The following KATNIP variants were observed in gnomAD, a reference collection of about 807,000 sequenced individuals.
KATNIP encodes the protein katanin-interacting protein.
Under a neutral mutation model 174.0 loss-of-function variants are expected in KATNIP, and 126 were observed. That is an observed-to-expected ratio of 0.72 (90% CI 0.63 to 0.84). KATNIP has a LOEUF of 0.84. KATNIP is among the 40% of genes least tolerant of loss of function. The probability of loss-of-function intolerance (pLI) is 0.00; values close to 1 mark genes in which losing one functional copy is unlikely to be tolerated. For missense variants in KATNIP, 1,958 were observed against 2,109.7 expected (o/e 0.93, Z 1.41); for synonymous variants, 810 against 835.7 (o/e 0.97, Z 0.53).
In KATNIP at chr16:27,766,477, A is replaced by C; in HGVS notation, c.3975+3A>C. ...CTCCCGAGGACACCTATCGCGGGGTAAGCTGGGGAGCAGTGGCCGTGCTCA... is the reference window on the plus strand; with the variant it reads ...CTCCCGAGGACACCTATCGCGGGGTCAGCTGGGGAGCAGTGGCCGTGCTCA... On this transcript the variant is annotated splice_donor_region_variant and intron_variant, in intron 20 of 27. Transcript: ENST00000261588. The C allele has an allele frequency of 3.1e-6, 5 of 1,610,326 alleles. No individual in the cohort carries two copies. Among genetic ancestry groups the C allele is most frequent in the Non-Finnish European group, 4.2e-6 (5 of 1,179,584 alleles).
At chr16:27,551,854 A>G (rs1009778077) in intron 1 of KATNIP, among the ~76,000 whole-genome samples, 4 of 152,124 alleles carry the variant, frequency 2.6e-5, no homozygotes, top group African/African-American at 4.8e-5. Flanking sequence ...CTCTGTCTCA[A>G]AAAAACCCAA....
intron 11 of KATNIP, among the ~76,000 whole-genome samples, chr16:27,702,374 C>T (rs150410780): frequency 1.6e-3 from 239 of 152,318 alleles, no homozygotes; most frequent in African/African-American, 4.9e-3. Flanking sequence ...GTTCCATTAA[C>T]GTGTAGCAGC....
chr16:27,628,703 G>T lies in KATNIP; in HGVS notation c.183G>T (p.Arg61Ser), dbSNP rs1253584726. 1 of 1,614,192 alleles carries T rather than the reference G, an allele frequency of 6.2e-7. No individual in the cohort carries two copies. Among genetic ancestry groups the T allele is most frequent in the Middle Eastern group, 1.6e-4 (1 of 6,062 alleles). The change falls in exon 4 of 28, where the codon AGG (arginine) becomes AGT (serine). Residue 61 changes from arginine (R) to serine (S), a missense_variant. By Grantham distance (110) the Arg-to-Ser change is moderately radical. Transcript: ENST00000261588. ...HLKSKDPVQLRLEHLEQGFSV... is the reference protein window; with the variant it reads ...HLKSKDPVQLSLEHLEQGFSV... ...AAAGCAAGGACCCCGTGCAATTGAGGCTGGAGCACTTGGAGCAAGGTTTCT... is the reference window on the plus strand; with the variant it reads ...AAAGCAAGGACCCCGTGCAATTGAGTCTGGAGCACTTGGAGCAAGGTTTCT...
intron 13 of KATNIP, among the ~76,000 whole-genome samples, chr16:27,717,054 G>A (rs1210235943): frequency 1.3e-5 from 2 of 152,058 alleles, no homozygotes; most frequent in South Asian, 2.1e-4. Context: ...ATGTTGGCCC[G>A]GCTGGTCTCG....
chr16:27,618,045 C>G lies in KATNIP; in HGVS notation c.64-380C>G, dbSNP rs376453070. 5.2e-4 allele frequency among the ~76,000 whole-genome samples: 79 copies of G among 152,212 alleles called. 1 individual carries two copies. In the Middle Eastern group the frequency reaches 0.017, roughly 33 times the overall value. On this transcript the variant is annotated intron_variant, in intron 2 of 27. Coordinates refer to ENST00000261588, the MANE Select transcript of KATNIP (RefSeq NM_015202.5). ...GAGCCACTGTGCCCGACCAAGATCC[C>G]CTTTTAAACAACTGATTTGGGTTGC...
chr16:27,744,378 A>G (rs1186882971), intron 15 of KATNIP, among the ~76,000 whole-genome samples: 2 of 152,132 alleles, frequency 1.3e-5, no homozygotes, highest in African/African-American at 4.8e-5. Flanking sequence ...TTTTAAAAAA[A>G]ATAGCTGGGT....
At chr16:27,640,675 TA>T (rs1213974929) in intron 5 of KATNIP, among the ~76,000 whole-genome samples, 2 of 105,166 alleles carry the variant, frequency 1.9e-5, no homozygotes, top group African/African-American at 7.3e-5. Context: ...CATTGGTTTT[TA>T]ATTTTTTTTT....
intron 8 of KATNIP, among the ~76,000 whole-genome samples, chr16:27,688,996 G>A (rs1476909991): frequency 6.6e-6 from 1 of 152,214 alleles, no homozygotes; most frequent in Non-Finnish European, 1.5e-5. Flanking sequence ...CAGGAGTGGG[G>A]TCATAGCCAC....
chr16:27,713,810 A>AGTGTGTG (rs1567336792), intron 13 of KATNIP, among the ~76,000 whole-genome samples: 2 of 5,690 alleles, frequency 3.5e-4, no homozygotes, highest in African/African-American at 1.0e-3. Flanking sequence ...GTGTATATAC[A>AGTGTGTG]TATATATATA....
chr16:27,559,556 T>C (rs781766185), intron 1 of KATNIP, among the ~76,000 whole-genome samples: 13 of 151,754 alleles, frequency 8.6e-5, no homozygotes, highest in Non-Finnish European at 1.6e-4. Context: ...TGTTGACACA[T>C]GCCTGTGGTT....
Position 27,630,740 on chromosome 16 carries a change from C to G in KATNIP, c.311-325C>G, listed in dbSNP as rs558976155. Among the ~76,000 whole-genome samples, 331 of 152,326 alleles carry G rather than the reference C, an allele frequency of 2.2e-3. 3 individuals carry two copies. Among genetic ancestry groups the G allele is most frequent in the African/African-American group, 7.5e-3 (310 of 41,574 alleles). On this transcript the variant is annotated intron_variant, in intron 4 of 27. Coordinates refer to ENST00000261588, the MANE Select transcript of KATNIP (RefSeq NM_015202.5). Reference sequence around the variant, plus strand: ...CACTCTTTTACACAAATGGTGACCTCTTGTACCTACTGTCCTGAACCTTGT... The same window carrying G: ...CACTCTTTTACACAAATGGTGACCTGTTGTACCTACTGTCCTGAACCTTGT...
intron 14 of KATNIP, among the ~76,000 whole-genome samples, chr16:27,737,647 C>T (rs554758824): frequency 2.4e-4 from 36 of 152,098 alleles, no homozygotes; most frequent in Non-Finnish European, 4.3e-4. Context: ...CGGGCAGGCT[C>T]AGCCAGCGAG....
chr16:27,580,193 A>G (rs1289770929), intron 2 of KATNIP, among the ~76,000 whole-genome samples: 1 of 151,848 alleles, frequency 6.6e-6, no homozygotes, highest in East Asian at 1.9e-4. Context: ...GCTTACTGCA[A>G]CCTCTGCCTC....
chr16:27,681,569 T>C, intron 8 of KATNIP, 39 bp downstream of exon 8: 1 of 1,612,730 alleles, frequency 6.2e-7, no homozygotes, highest in East Asian at 2.2e-5. Context: ...GGAGCAGGGC[T>C]GCGACTGGGT....
intron 13 of KATNIP, among the ~76,000 whole-genome samples, chr16:27,713,788 ATGTGTGTGTGTGTG>A (rs199886034): frequency 1.1e-4 from 10 of 89,146 alleles, no homozygotes; most frequent in African/African-American, 4.8e-4. Context: ...CATATTATAT[ATGTGTGTGTGTGTG>A]TATATACATA....
At chr16:27,568,309 G>A (rs1423792186) in intron 1 of KATNIP, among the ~76,000 whole-genome samples, 3 of 152,202 alleles carry the variant, frequency 2.0e-5, no homozygotes, top group Non-Finnish European at 2.9e-5. Flanking sequence ...TACAAATCAT[G>A]ATACAGCAAA....
intron 12 of KATNIP, among the ~76,000 whole-genome samples, chr16:27,707,433 A>G (rs559701709): frequency 3.9e-5 from 6 of 152,316 alleles, no homozygotes; most frequent in Middle Eastern, 3.4e-3. Context: ...AAGGAGAGAA[A>G]CAGAAAGAAA....
intron 3 of KATNIP, among the ~76,000 whole-genome samples, chr16:27,619,572 T>C (rs940040443): frequency 1.3e-5 from 2 of 152,120 alleles, no homozygotes; most frequent in Non-Finnish European, 2.9e-5. Context: ...CTCAGTGTTA[T>C]CAACAGGGGC....
At chr16:27,736,569 G>A (rs975416984) in intron 14 of KATNIP, among the ~76,000 whole-genome samples, 1 of 152,190 alleles carries the variant, frequency 6.6e-6, no homozygotes, top group African/African-American at 2.4e-5. Flanking sequence ...AACACGCCAG[G>A]CAAGTGCACA....
Sources: gnomAD v4.1 joint callset for allele counts (sites outside exome capture counted in the v4.1 genomes callset) on GRCh38, gnomAD v4.1.1 for gene constraint, MANE v1.5 for transcripts, NCBI Gene and HGNC (gene_info 2026-07-23, HGNC 2026-07-21) for gene names.